ZNF333: variants seen among roughly 807,000 people sequenced by gnomAD.
The protein encoded by ZNF333 is zinc finger protein 333.
A neutral mutation model predicts 76.1 loss-of-function variants in ZNF333; 61 were observed. The ratio of observed to expected loss-of-function variants is 0.80; its 90% CI spans 0.65 to 0.99. The LOEUF (loss-of-function observed/expected upper bound fraction) is 0.99. Ranked by LOEUF, ZNF333 falls within the 50% of genes least tolerant of loss-of-function variation. ZNF333 has a pLI of 0.00. For missense variants in ZNF333, 717 were observed against 822.4 expected, an observed-to-expected ratio of 0.87 and a Z score of 1.57; for synonymous variants, 284 against 305.0, an observed-to-expected ratio of 0.93 and a Z score of 0.72.
chr19:14,710,950 G>A (rs2042256352), intron 7 of ZNF333, among the ~76,000 whole-genome samples: 1 of 151,830 alleles, frequency 6.6e-6, no homozygotes, highest in Non-Finnish European at 1.5e-5. Context: ...CATGGTGAGG[G>A]AGGAAGCAGG....
chr19:14,695,917 G>A (rs543567826), intron 4 of ZNF333, among the ~76,000 whole-genome samples: 11 of 152,280 alleles, frequency 7.2e-5, no homozygotes, highest in South Asian at 6.2e-4. Flanking sequence ...GGTGGCTCTT[G>A]CATGTAATCC....
chr19:14,692,296 C>A (rs1255484148), intron 1 of ZNF333, among the ~76,000 whole-genome samples: 5 of 152,166 alleles, frequency 3.3e-5, no homozygotes, highest in Non-Finnish European at 1.5e-5. Flanking sequence ...TTGTACGTAG[C>A]TAAACAAGGG....
chr19:14,709,692 C>T (rs950683271), intron 7 of ZNF333, among the ~76,000 whole-genome samples: 3 of 152,172 alleles, frequency 2.0e-5, no homozygotes, highest in Non-Finnish European at 4.4e-5. Context: ...GAAGAGACAC[C>T]AGAGCTCTCT....
chr19:14,693,366 T>G, intron 1 of ZNF333, 85 bp from the exon 2 acceptor site: 1 of 1,058,922 alleles, frequency 9.4e-7, no homozygotes, highest in Non-Finnish European at 1.3e-6. Context: ...AGGGTTTTGA[T>G]TGTGACCACT....
chr19:14,705,051 C>T lies in ZNF333; in HGVS notation c.307-3C>T, dbSNP rs1349110166. 6.2e-7 allele frequency: 1 copy of T among 1,613,206 alleles called. No homozygotes were observed. Among genetic ancestry groups the T allele is most frequent in the Non-Finnish European group, 8.5e-7 (1 of 1,179,564 alleles). ...TGCTCAGCACCCTCTTGTCTTTTGC[C>T]AGGGGCCGGGGCTGTTCCTGAGGAT... On this transcript the variant is annotated splice_polypyrimidine_tract_variant and splice_region_variant and intron_variant, in intron 5 of 11. Coordinates refer to ENST00000292530, the MANE Select transcript of ZNF333 (RefSeq NM_032433.4).
chr19:14,725,719 C>G (rs940387323), downstream of ZNF333, among the ~76,000 whole-genome samples: 2 of 152,230 alleles, frequency 1.3e-5, no homozygotes. Flanking sequence ...ACTCCATGTC[C>G]TGCGTCAAGA....
rs1469594968 is a variant in ZNF333, at chr19:14,718,993, C to T, written c.1666C>T (p.His556Tyr). The T allele has an allele frequency of 6.2e-7, 1 of 1,614,088 alleles. No individual in the cohort carries two copies. The highest frequency in any genetic ancestry group is 1.3e-5 in the African/African-American group (1 of 74,920). ...LSTLKSHMRT[H>Y]TGEKPYVCQE... ...AACCCTGAAGAGTCACATGCGAACT[C>T]ACACTGGAGAGAAGCCCTATGTGTG... is the stretch of plus-strand genomic sequence containing the variant. Residue 556 changes from histidine (H) to tyrosine (Y), a missense_variant, in exon 12 of 12, where the codon CAC becomes TAC. Physicochemically the swap from His to Tyr is moderately conservative, Grantham distance 83. Transcript: ENST00000292530.
chr19:14,696,788 G>C (rs952299216), intron 4 of ZNF333, among the ~76,000 whole-genome samples: 10 of 146,584 alleles, frequency 6.8e-5, no homozygotes, highest in Admixed American at 4.8e-4. Context: ...ACCCAGGCTG[G>C]AGTGCAGTGG....
chr19:14,728,019 G>A (rs989438428), intron 11 of ZNF333, among the ~76,000 whole-genome samples: 39 of 152,278 alleles, frequency 2.6e-4, no homozygotes, highest in Admixed American at 7.2e-4. Context: ...TCAGGAGATC[G>A]AGACCATCCT....
At position 14,715,398 on chromosome 19, in the gene ZNF333, C is replaced by G. The variant is rs950567662; in HGVS notation, c.528C>G (p.Asp176Glu). 15 of 1,614,012 alleles carry G rather than the reference C, an allele frequency of 9.3e-6. No individual in the cohort carries two copies. Among genetic ancestry groups the G allele is most frequent in the Middle Eastern group, 1.7e-4 (1 of 6,018 alleles). Reference sequence around the variant, plus strand: ...CTCCCCTAGCTGTGCCTGCACGTGACCCTGCCTGGCTTCAGGAGGACAAAG... The same window carrying G: ...CTCCCCTAGCTGTGCCTGCACGTGAGCCTGCCTGGCTTCAGGAGGACAAAG... ...VARDSAVPAR[D>E]PAWLQEDKVE... The change falls in exon 8 of 12, where the codon GAC (aspartate) becomes GAG (glutamate). Residue 176 changes from aspartate to glutamate, a missense_variant. Physicochemically the swap from Asp to Glu is conservative, Grantham distance 45 (BLOSUM62 2). Coordinates refer to ENST00000292530, the MANE Select transcript of ZNF333 (RefSeq NM_032433.4).
At chr19:14,701,939 A>T (rs2041969095) in intron 5 of ZNF333, 1 of 978,870 alleles carries the variant, frequency 1.0e-6, no homozygotes, top group Non-Finnish European at 1.2e-6. Context: ...CTAACCGCAG[A>T]GACCACAGTC....
chr19:14,721,096 C>A lies in ZNF333; in HGVS notation c.*1771C>A, dbSNP rs1302724454. The A allele has an allele frequency of 3.9e-6, 2 of 508,652 alleles. No homozygotes were observed. Among genetic ancestry groups the A allele is most frequent in the Non-Finnish European group, 5.1e-6 (2 of 395,322 alleles). The allele number at this position is 508,652 out of a possible 1,614,324, so 31.5% of individuals were successfully genotyped here. A position where few individuals can be genotyped will look rare whatever the true frequency, so the allele number is the denominator to read the frequency against. ...ATAGTAGCCACTGCCTGAAGCTTTG[C>A]ATCTTTTAATTTAGTCCTCACACTG... On this transcript the variant is annotated 3_prime_UTR_variant, in exon 12 of 12. Coordinates refer to ENST00000292530, the MANE Select transcript of ZNF333 (RefSeq NM_032433.4).
chr19:14,712,485 T>G (rs1169904335), intron 7 of ZNF333, among the ~76,000 whole-genome samples: 1 of 152,162 alleles, frequency 6.6e-6, no homozygotes, highest in Non-Finnish European at 1.5e-5. Flanking sequence ...CCTCCCAAAG[T>G]GCTGGGATTA....
chr19:14,722,199 A>G (rs911056779), downstream of ZNF333, among the ~76,000 whole-genome samples: 1 of 152,248 alleles, frequency 6.6e-6, no homozygotes, highest in African/African-American at 2.4e-5. Flanking sequence ...GATGGTTGCC[A>G]CAATGACTTC....
intron 4 of ZNF333, among the ~76,000 whole-genome samples, chr19:14,696,128 A>G (rs1973167520): frequency 6.6e-6 from 1 of 152,180 alleles, no homozygotes. Flanking sequence ...CCAAGATTGC[A>G]TCACTGCACT....
intron 4 of ZNF333, 78 bp downstream of exon 4, chr19:14,695,739 C>G: frequency 7.7e-7 from 1 of 1,293,406 alleles, no homozygotes; most frequent in South Asian, 1.2e-5. Context: ...AGAGCATTTT[C>G]AAAGGCCCTT....
In ZNF333 at chr19:14,706,686, G is replaced by A. The variant is rs1371280229; in HGVS notation, c.424G>A (p.Gly142Arg). 5 of 1,613,952 alleles carry A rather than the reference G, an allele frequency of 3.1e-6. No homozygotes were observed. In the African/African-American group the frequency reaches 5.3e-5, roughly 17 times the overall value. The change falls in exon 7 of 12, where the codon GGA (glycine) becomes AGA (arginine). Residue 142 changes from glycine (G) to arginine (R), a missense_variant and splice_region_variant. By Grantham distance (125) the Gly-to-Arg change is moderately radical. Coordinates refer to ENST00000292530, the MANE Select transcript of ZNF333 (RefSeq NM_032433.4). The stretch of plus-strand genomic sequence containing the variant: ...CTGTGACCCCTGTCACTCTGTCCAG[G>A]GACTGAAGGCCGCTATGCAGATTCA... ...QEPPWSLGCT[G>R]LKAAMQIQRV...
Position 14,705,138 on chromosome 19 carries a change from C to A in ZNF333, c.391C>A (p.Leu131Ile), listed in dbSNP as rs1046130136. ...ATTGACTCGAGAGGACCGGCCAGCT[C>A]TCCAGGAGCCGCCTTGGTCTCTGGG... ...TPLTREDRPA[L>I]QEPPWSLGCT... Residue 131 changes from leucine to isoleucine, a missense_variant, in exon 6 of 12, where the codon CTC becomes ATC. Physicochemically the swap from Leu to Ile is conservative, Grantham distance 5. Coordinates refer to ENST00000292530, the MANE Select transcript of ZNF333 (RefSeq NM_032433.4). The A allele has an allele frequency of 1.2e-6, 2 of 1,613,706 alleles. No homozygotes were observed. The highest frequency in any genetic ancestry group is 2.7e-5 in the African/African-American group (2 of 74,904).
chr19:14,699,033 T>C (rs555426351), intron 4 of ZNF333, among the ~76,000 whole-genome samples, 166 bp from the exon 5 acceptor site: 1 of 151,592 alleles, frequency 6.6e-6, no homozygotes, highest in South Asian at 2.1e-4. Flanking sequence ...AACTTGAATA[T>C]ATGTATTCGG....
Sources: allele counts gnomAD v4.1 joint callset (sites outside exome capture counted in the v4.1 genomes callset), GRCh38; gene constraint gnomAD v4.1.1; transcripts MANE v1.5; gene names NCBI Gene and HGNC (gene_info 2026-07-23, HGNC 2026-07-21).